The following KCNH7 variants were observed in gnomAD, a reference collection of about 807,000 sequenced individuals.
The protein encoded by KCNH7 is voltage-gated inwardly rectifying potassium channel KCNH7.
KCNH7 carries 49 observed loss-of-function variants against 120.8 expected under a neutral mutation model. The ratio of observed to expected loss-of-function variants is 0.41; its 90% CI spans 0.32 to 0.51. KCNH7 has a LOEUF of 0.51. Ranked by LOEUF, KCNH7 falls within the 20% of genes least tolerant of loss-of-function variation. The pLI is 0.38. For synonymous variants in KCNH7, 547 were observed against 516.1 expected, an observed-to-expected ratio of 1.06 and a Z score of -0.81; for missense variants, 1,097 against 1,446.6, an observed-to-expected ratio of 0.76 and a Z score of 3.92.
At chr2:162,732,634 C>A (rs1415607425) in intron 2 of KCNH7, among the ~76,000 whole-genome samples, 1 of 152,158 alleles carries the variant, frequency 6.6e-6, no homozygotes, top group Non-Finnish European at 1.5e-5. Flanking sequence ...CAAGTCACTG[C>A]TTCTTTGAAC....
At chr2:162,423,203 G>A in intron 9 of KCNH7, 133 bp downstream of exon 9, 2 of 1,555,684 alleles carry the variant, frequency 1.3e-6, no homozygotes, top group South Asian at 2.4e-5. Context: ...ACTATCTCCA[G>A]GGGAGAAAAT....
intron 2 of KCNH7, among the ~76,000 whole-genome samples, chr2:162,630,402 A>T (rs1395015192): frequency 1.3e-5 from 2 of 152,084 alleles, no homozygotes; most frequent in Non-Finnish European, 2.9e-5. Context: ...AAGTACACTA[A>T]GGACAAGACC....
At chr2:162,581,735 TG>T (rs1693872046) in intron 2 of KCNH7, among the ~76,000 whole-genome samples, 1 of 152,084 alleles carries the variant, frequency 6.6e-6, no homozygotes, top group African/African-American at 2.4e-5. Flanking sequence ...TTGCACTTAT[TG>T]GGAAAAATGT....
In KCNH7 at chr2:162,371,540, G is replaced by C; in HGVS notation, c.*289C>G. The C allele has an allele frequency of 1.0e-6, 1 of 983,648 alleles. No individual in the cohort carries two copies. Among genetic ancestry groups the C allele is most frequent in the African/African-American group, 1.7e-5 (1 of 60,408 alleles). 60.9% of individuals were successfully genotyped at this position (983,648 alleles called of 1,614,324 possible). A position where few individuals can be genotyped will look rare whatever the true frequency, so the allele number is the denominator to read the frequency against. On this transcript the variant is annotated 3_prime_UTR_variant, in exon 16 of 16. Coordinates refer to ENST00000332142, the MANE Select transcript of KCNH7 (RefSeq NM_033272.4). Reference sequence around the variant, plus strand: ...GCAGTAAATAGGAGTCTCCATGCAAGAGAAATTGGAGTTTCCTAACATGCA... The same window carrying C: ...GCAGTAAATAGGAGTCTCCATGCAACAGAAATTGGAGTTTCCTAACATGCA...
Position 162,396,746 on chromosome 2 carries a change from G to T in KCNH7, c.2607C>A (p.Ser869Arg). 6.2e-7 allele frequency: 1 copy of T among 1,606,256 alleles called. No individual in the cohort carries two copies. ...LELTFNLRHE[S>R]AKADLLRSQS... is the part of the protein sequence containing the mutation. ...GCAAACAGTTAACATATACCTTTGC[G>T]CTCTCATGCCTTAGGTTGAAAGTCA... The change falls in exon 11 of 16, where the codon AGC becomes AGA. Residue 869 changes from serine (S) to arginine (R), a missense_variant. By Grantham distance (110) the Ser-to-Arg change is moderately radical (BLOSUM62 -1). Around this residue, in one of 8 missense-constraint regions of KCNH7, gnomAD observed 406 missense variants for 410.5 expected, o/e 0.99. Transcript: ENST00000332142.
At chr2:162,442,212 G>C (rs548796203) in intron 7 of KCNH7, among the ~76,000 whole-genome samples, 2 of 151,296 alleles carry the variant, frequency 1.3e-5, no homozygotes, top group Non-Finnish European at 2.9e-5. Flanking sequence ...ATTTTTAGTA[G>C]AGATGGGGTT....
chr2:162,447,509 C>A (rs963379746), intron 6 of KCNH7, among the ~76,000 whole-genome samples: 3 of 152,032 alleles, frequency 2.0e-5, no homozygotes, highest in African/African-American at 7.2e-5. Flanking sequence ...AATGTGGGTT[C>A]TAATTTAATG....
chr2:162,624,766 A>G (rs1230581240), intron 2 of KCNH7, among the ~76,000 whole-genome samples: 1 of 151,744 alleles, frequency 6.6e-6, no homozygotes, highest in East Asian at 1.9e-4. Context: ...TTACCAATAT[A>G]TAAAGCTGTC....
intron 2 of KCNH7, among the ~76,000 whole-genome samples, chr2:162,661,569 T>A (rs959234725): frequency 6.6e-6 from 1 of 152,210 alleles, no homozygotes; most frequent in Non-Finnish European, 1.5e-5. Flanking sequence ...AACGTTTCCC[T>A]ATATCCAAAT....
At chr2:162,644,310 T>C (rs368226951) in intron 2 of KCNH7, among the ~76,000 whole-genome samples, 33 of 152,264 alleles carry the variant, frequency 2.2e-4, no homozygotes, top group Non-Finnish European at 4.4e-4. Context: ...TTAAAGTTTT[T>C]CTTTTTTTTT....
chr2:162,725,885 T>C (rs1298849718), intron 2 of KCNH7, among the ~76,000 whole-genome samples: 1 of 152,344 alleles, frequency 6.6e-6, no homozygotes, highest in East Asian at 1.9e-4. Flanking sequence ...AGATTTTTCA[T>C]AGCAAATTCC....
intron 2 of KCNH7, among the ~76,000 whole-genome samples, chr2:162,673,564 T>G (rs1020618229): frequency 1.3e-5 from 2 of 152,082 alleles, no homozygotes; most frequent in South Asian, 4.1e-4. Flanking sequence ...AATTGCATGA[T>G]TTGGTTTTCT....
At chr2:162,571,327 C>A (rs1341702224) in intron 2 of KCNH7, among the ~76,000 whole-genome samples, 1 of 152,012 alleles carries the variant, frequency 6.6e-6, no homozygotes, top group African/African-American at 2.4e-5. Flanking sequence ...ACCTGGGAAT[C>A]CAACTTACAA....
At chr2:162,590,291 A>G (rs975161672) in intron 2 of KCNH7, among the ~76,000 whole-genome samples, 7 of 152,122 alleles carry the variant, frequency 4.6e-5, no homozygotes, top group Non-Finnish European at 7.4e-5. Context: ...ATCCGAGTGC[A>G]TCTGAGTGGG....
intron 6 of KCNH7, among the ~76,000 whole-genome samples, chr2:162,492,697 T>C (rs1053128099): frequency 1.5e-4 from 23 of 152,242 alleles, no homozygotes; most frequent in African/African-American, 5.3e-4. Flanking sequence ...GTGAGATTAA[T>C]TTTGGTAAAG....
intron 2 of KCNH7, among the ~76,000 whole-genome samples, chr2:162,812,437 TAGAGA>T (rs1489700215): frequency 2.0e-5 from 3 of 151,906 alleles, no homozygotes; most frequent in Admixed American, 2.0e-4. Flanking sequence ...AAAGCAAAAG[TAGAGA>T]CTGGCTTTTC....
At chr2:162,543,935 T>C (rs1692395507) in intron 2 of KCNH7, among the ~76,000 whole-genome samples, 1 of 152,166 alleles carries the variant, frequency 6.6e-6, no homozygotes, top group Non-Finnish European at 1.5e-5. Flanking sequence ...TGAGTAAACT[T>C]TCTCCAAATA....
intron 7 of KCNH7, among the ~76,000 whole-genome samples, chr2:162,436,269 C>T (rs148460884): frequency 2.6e-5 from 4 of 152,208 alleles, no homozygotes; most frequent in Non-Finnish European, 4.4e-5. Flanking sequence ...AGTCAAGCCC[C>T]TTCTTCCCAT....
intron 2 of KCNH7, among the ~76,000 whole-genome samples, chr2:162,735,236 A>G (rs1687860097): frequency 6.6e-6 from 1 of 152,200 alleles, no homozygotes; most frequent in Admixed American, 6.6e-5. Context: ...TCTAGTATGA[A>G]GGCCAAGAAA....
Sources: allele counts gnomAD v4.1 joint callset (sites outside exome capture counted in the v4.1 genomes callset), GRCh38; gene constraint gnomAD v4.1.1; regional missense constraint gnomAD v4.1.1; transcripts MANE v1.5; gene names NCBI Gene and HGNC (gene_info 2026-07-23, HGNC 2026-07-21).